The following PPP1R13B variants were observed in gnomAD, a reference collection of about 807,000 sequenced individuals.
PPP1R13B encodes protein phosphatase 1 regulatory subunit 13B.
PPP1R13B carries 44 observed loss-of-function variants against 119.8 expected under a neutral mutation model. The observed-to-expected ratio is 0.37, with a 90% confidence interval of 0.29 to 0.47. PPP1R13B has a LOEUF of 0.47. Ranked by LOEUF, PPP1R13B falls within the 20% of genes least tolerant of loss-of-function variation. PPP1R13B has a pLI of 0.99. For synonymous variants in PPP1R13B, 542 were observed against 561.5 expected, an observed-to-expected ratio of 0.97 and a Z score of 0.49; for missense variants, 1,227 against 1,413.5, an observed-to-expected ratio of 0.87 and a Z score of 2.12.
intron 1 of PPP1R13B, among the ~76,000 whole-genome samples, chr14:103,837,028 A>G (rs1285872314): frequency 2.6e-5 from 4 of 152,246 alleles, no homozygotes; most frequent in African/African-American, 9.6e-5. Context: ...CAACTGAGTA[A>G]AAAGCAGGAC....
chr14:103,806,443 G>T (rs74088712), intron 1 of PPP1R13B, among the ~76,000 whole-genome samples: 3,353 of 151,840 alleles, frequency 0.022, 113 homozygotes, highest in African/African-American at 0.076. Flanking sequence ...AACTCACTTG[G>T]TAGGTTATGA....
intron 1 of PPP1R13B, among the ~76,000 whole-genome samples, chr14:103,844,963 CATT>C (rs1448547381): frequency 1.3e-5 from 2 of 152,084 alleles, no homozygotes; most frequent in Non-Finnish European, 2.9e-5. Context: ...TATAATATCT[CATT>C]AGTGGTTTTT....
At chr14:103,739,221 A>G (rs557463163) in intron 12 of PPP1R13B, 198 bp from the exon 13 acceptor site, 3 of 632,160 alleles carry the variant, frequency 4.7e-6, no homozygotes, top group South Asian at 5.2e-5. Context: ...TACAAGGGAG[A>G]GCCCTGTCTG....
In PPP1R13B at chr14:103,749,873, T is replaced by C. The variant is rs887252760; in HGVS notation, c.890A>G (p.Asn297Ser). The change falls in exon 8 of 17, where the codon AAT (asparagine) becomes AGT (serine). Residue 297 changes from asparagine (N) to serine (S), a missense_variant. Coordinates refer to ENST00000202556, the MANE Select transcript of PPP1R13B (RefSeq NM_015316.3). ...SKLQQQKELL[N>S]KRNMEVAMMD... ...CATGGCCACCTCCATGTTGCGCTTA[T>C]TTAAGAGTTCCTTCTGCTGCTGAAG... 5 of 1,614,086 alleles carry C rather than the reference T, an allele frequency of 3.1e-6. No homozygotes were observed. The highest frequency in any genetic ancestry group is 1.7e-5 in the Admixed American group (1 of 59,994).
At chr14:103,808,868 T>C (rs1426579404) in intron 1 of PPP1R13B, among the ~76,000 whole-genome samples, 1 of 152,086 alleles carries the variant, frequency 6.6e-6, no homozygotes, top group Non-Finnish European at 1.5e-5. Flanking sequence ...CCCATTTTTT[T>C]TAATGTTTCT....
chr14:103,846,559 C>G (rs562075274), intron 1 of PPP1R13B, among the ~76,000 whole-genome samples: 3 of 152,274 alleles, frequency 2.0e-5, no homozygotes, highest in African/African-American at 7.2e-5. Flanking sequence ...TGATGCTTAC[C>G]TCCCAAAAAG....
intron 2 of PPP1R13B, among the ~76,000 whole-genome samples, chr14:103,788,569 A>T (rs2085529765): frequency 1.3e-5 from 2 of 152,108 alleles, no homozygotes; most frequent in Admixed American, 6.6e-5. Flanking sequence ...CACATCTGTA[A>T]TTGCAGCTAC....
intron 7 of PPP1R13B, 50 bp downstream of exon 7, chr14:103,752,946 AAGAT>A (rs67281375): frequency 0.076 from 119,444 of 1,565,462 alleles, 7,025 homozygotes; most frequent in African/African-American, 0.27. Context: ...ATGCTAATGA[AAGAT>A]AGAAAGATGA....
chr14:103,813,168 T>C (rs1595810825), intron 1 of PPP1R13B, among the ~76,000 whole-genome samples: 1 of 152,068 alleles, frequency 6.6e-6, no homozygotes, highest in South Asian at 2.1e-4. Context: ...CTTCAGTAGA[T>C]GAATGGATAA....
chr14:103,794,641 T>C lies in PPP1R13B; in HGVS notation c.157+2730A>G, dbSNP rs1252403123. On this transcript the variant is annotated intron_variant, in intron 2 of 16. Transcript: ENST00000202556. ...CAGTGCCCGGCCAGGTGCAGTAAGT[T>C]TTATGTGAGGGTTCTCTGAAACCTA... is the stretch of plus-strand genomic sequence containing the variant. The C allele has an allele frequency of 1.1e-5, 5 of 448,348 alleles. No homozygotes were observed. In the Admixed American group the frequency reaches 1.2e-4, roughly 11 times the overall value. 27.8% of individuals were successfully genotyped at this position (448,348 alleles called of 1,614,324 possible). A position where few individuals can be genotyped will look rare whatever the true frequency, so the allele number is the denominator to read the frequency against.
At chr14:103,816,924 G>C (rs1159332774) in intron 1 of PPP1R13B, among the ~76,000 whole-genome samples, 2 of 152,122 alleles carry the variant, frequency 1.3e-5, no homozygotes, top group African/African-American at 4.8e-5. Flanking sequence ...CAAAGGAAAA[G>C]TAAATCTAAT....
At chr14:103,823,486 A>G (rs2086461195) in intron 1 of PPP1R13B, among the ~76,000 whole-genome samples, 1 of 152,142 alleles carries the variant, frequency 6.6e-6, no homozygotes, top group Non-Finnish European at 1.5e-5. Context: ...TGCACACTGG[A>G]CCTAGCTTTG....
intron 1 of PPP1R13B, among the ~76,000 whole-genome samples, chr14:103,836,486 GTTGGCTGGACGCTGTGGCTCATGCC>G (rs1334914710): frequency 6.6e-6 from 1 of 152,016 alleles, no homozygotes; most frequent in Non-Finnish European, 1.5e-5. Flanking sequence ...TTTGTCCAAA[GTTGGCTGGACGCTGTGGCTCATGCC>G]TGTAATCCCA....
chr14:103,743,012 C>A lies in PPP1R13B; in HGVS notation c.1151-189G>T, dbSNP rs1488205279. 9.5e-6 allele frequency: 6 copies of A among 632,300 alleles called. No homozygotes were observed. The East Asian group carries it at 1.8e-4, about 19-fold the overall frequency. The allele number at this position is 632,300 out of a possible 1,614,324, so 39.2% of individuals were successfully genotyped here. ...CCTCCAGCACCCACAGACCCGTGCA[C>A]AAGACCAAGGGACGGGCTCTGCTGG... is the stretch of plus-strand genomic sequence containing the variant. On this transcript the variant is annotated intron_variant, in intron 9 of 16. Transcript: ENST00000202556.
intron 1 of PPP1R13B, among the ~76,000 whole-genome samples, chr14:103,802,572 A>T (rs1465736247): frequency 2.6e-5 from 4 of 152,200 alleles, no homozygotes. Context: ...CATTTGCACA[A>T]TCATTGCCTC....
At chr14:103,844,283 AAAG>A (rs1337987277) in intron 1 of PPP1R13B, among the ~76,000 whole-genome samples, 1 of 151,882 alleles carries the variant, frequency 6.6e-6, no homozygotes, top group Non-Finnish European at 1.5e-5. Context: ...ATAAAAAAAA[AAAG>A]AAGGTGGAAA....
At position 103,798,215 on chromosome 14, in the gene PPP1R13B, G is replaced by A. The variant is rs548956541; in HGVS notation, c.10-697C>T. On this transcript the variant is annotated intron_variant, in intron 1 of 16. Transcript: ENST00000202556. ...CGCCCAGGCTGGAGTGCAGTGGCGCGATCTCGGCTCACTGCAAGCTCTGCC... is the reference window on the plus strand; with the variant it reads ...CGCCCAGGCTGGAGTGCAGTGGCGCAATCTCGGCTCACTGCAAGCTCTGCC... Among the ~76,000 whole-genome samples, 909 of 148,248 alleles carry A rather than the reference G, an allele frequency of 6.1e-3. 7 individuals are homozygous for A. Among genetic ancestry groups the A allele is most frequent in the Middle Eastern group, 0.024 (7 of 286 alleles).
intron 2 of PPP1R13B, among the ~76,000 whole-genome samples, chr14:103,795,888 C>A (rs904650567): frequency 6.6e-6 from 1 of 152,044 alleles, no homozygotes; most frequent in African/African-American, 2.4e-5. Context: ...GTAAAAAGCA[C>A]AAGACCTTGC....
intron 1 of PPP1R13B, among the ~76,000 whole-genome samples, chr14:103,819,789 C>G (rs1197832195): frequency 6.6e-6 from 1 of 152,144 alleles, no homozygotes; most frequent in African/African-American, 2.4e-5. Context: ...GGCTATCCCT[C>G]CAGAGTCCTT....
Sources: gnomAD v4.1 joint callset for allele counts (sites outside exome capture counted in the v4.1 genomes callset) on GRCh38, gnomAD v4.1.1 for gene constraint, MANE v1.5 for transcripts, NCBI Gene and HGNC (gene_info 2026-07-23, HGNC 2026-07-21) for gene names.